Variants in MACF1 observed in about 807,000 individuals in gnomAD.
MACF1 encodes microtubule-actin cross-linking factor 1.
MACF1 carries 193 observed loss-of-function variants against 854.8 expected under a neutral mutation model. The ratio of observed to expected loss-of-function variants is 0.23; its 90% CI spans 0.20 to 0.25. The LOEUF is 0.25. Among genes scored for constraint, MACF1 ranks in the 10% least tolerant of loss-of-function variants. The pLI, the probability that MACF1 is intolerant of heterozygous loss-of-function variation, is 1.00. For synonymous variants in MACF1, 3,185 were observed against 3,226.7 expected (o/e 0.99, Z 0.44); for missense variants, 7,722 against 8,929.1 (o/e 0.86, Z 5.45).
At chr1:39,178,826 A>G (rs1468591528) in intron 2 of MACF1, among the ~76,000 whole-genome samples, 1 of 152,250 alleles carries the variant, frequency 6.6e-6, no homozygotes, top group African/African-American at 2.4e-5. Context: ...GCTTGTGATC[A>G]TAATATAAAA....
chr1:39,479,112 G>T (rs888150203), intron 97 of MACF1, among the ~76,000 whole-genome samples: 2 of 152,170 alleles, frequency 1.3e-5, no homozygotes, highest in Non-Finnish European at 2.9e-5. Context: ...CCGACTCCAC[G>T]TTCTTTGCAT....
chr1:39,458,587 C>A (rs1644489118), intron 90 of MACF1, 97 bp downstream of exon 90: 1 of 1,447,892 alleles, frequency 6.9e-7, no homozygotes. Context: ...ATTCCATTTT[C>A]AAAAACCGTG....
chr1:39,156,166 T>C (rs1643681749), intron 2 of MACF1, among the ~76,000 whole-genome samples: 1 of 151,754 alleles, frequency 6.6e-6, no homozygotes, highest in African/African-American at 2.4e-5. Flanking sequence ...TGAGCCACCG[T>C]GCCTGGCCTA....
intron 40 of MACF1, among the ~76,000 whole-genome samples, chr1:39,344,796 G>C (rs1647010195): frequency 6.6e-6 from 1 of 152,126 alleles, no homozygotes; most frequent in Non-Finnish European, 1.5e-5. Flanking sequence ...GAGCCCACTC[G>C]CCCAGCTCCT....
chr1:39,433,106 G>T lies in MACF1; in HGVS notation c.17516G>T (p.Arg5839Leu), dbSNP rs139726571. 1 of 1,611,918 alleles carries T rather than the reference G, an allele frequency of 6.2e-7. No individual in the cohort carries two copies. Among genetic ancestry groups the T allele is most frequent in the African/African-American group, 1.3e-5 (1 of 74,826 alleles). The change falls in exon 68 of 101, where the codon CGT (arginine) becomes CTT (leucine). Residue 5839 changes from arginine to leucine, a missense_variant. Around this residue, in one of 15 missense-constraint regions of MACF1, gnomAD observed 2,807 missense variants for 3,235.8 expected, o/e 0.87. Transcript: ENST00000564288. ...KDSMDELFSHRSEIFGTCGEE... is the reference protein window; with the variant it reads ...KDSMDELFSHLSEIFGTCGEE... Reference sequence around the variant, plus strand: ...TCAATGGATGAACTCTTCAGTCACCGTAGTGAAATCTTTGGCACATGTGGG... The same window carrying T: ...TCAATGGATGAACTCTTCAGTCACCTTAGTGAAATCTTTGGCACATGTGGG...
In MACF1 at chr1:39,479,671, AC is replaced by A. The variant is rs1372449280; in HGVS notation, c.21959-124del. 14 of 732,774 alleles carry A rather than the reference AC, an allele frequency of 1.9e-5. No individual in the cohort carries two copies. In the African/African-American group the frequency reaches 2.5e-4, roughly 13 times the overall value. 45.4% of individuals were successfully genotyped at this position (732,774 alleles called of 1,614,324 possible). ...ATGAATTTATCTCTATTTTTGAAGA[AC>A]CCACAGATGGTACTAAACCCATATA... is the stretch of plus-strand genomic sequence containing the variant. On this transcript the variant is annotated intron_variant, in intron 97 of 100. Transcript: ENST00000564288.
chr1:39,268,642 G>T (rs1645264512), intron 6 of MACF1: 4 of 1,211,128 alleles, frequency 3.3e-6, no homozygotes, highest in Non-Finnish European at 4.2e-6. Flanking sequence ...TGGGATTTCT[G>T]TGGGATCCCA....
intron 23 of MACF1, among the ~76,000 whole-genome samples, chr1:39,307,171 G>A (rs929776119): frequency 5.3e-5 from 8 of 151,788 alleles, no homozygotes; most frequent in South Asian, 4.2e-4. Context: ...CACCATGCCC[G>A]CCTGGAAATT....
At chr1:39,265,475 T>A (rs1645220317) in intron 6 of MACF1, among the ~76,000 whole-genome samples, 1 of 152,222 alleles carries the variant, frequency 6.6e-6, no homozygotes, top group African/African-American at 2.4e-5. Flanking sequence ...AGAATTAACT[T>A]AGTTGAAAAT....
intron 36 of MACF1, among the ~76,000 whole-genome samples, chr1:39,329,927 C>G (rs181511377): frequency 6.6e-6 from 1 of 152,178 alleles, no homozygotes; most frequent in Non-Finnish European, 1.5e-5. Flanking sequence ...GGGTCTGACT[C>G]TGGGAGGACA....
intron 58 of MACF1, among the ~76,000 whole-genome samples, chr1:39,395,101 C>T (rs1642220556): frequency 1.3e-5 from 2 of 152,172 alleles, no homozygotes; most frequent in Non-Finnish European, 1.5e-5. Context: ...CAGCCACTCA[C>T]GCCACCACCT....
At chr1:39,376,205 A>C (rs563955906) in intron 52 of MACF1, among the ~76,000 whole-genome samples, 74 of 152,330 alleles carry the variant, frequency 4.9e-4, no homozygotes, top group African/African-American at 1.7e-3. Flanking sequence ...AGCATAATTG[A>C]ACATGCATGT....
At chr1:39,381,553 A>G (rs1400848673) in intron 55 of MACF1, among the ~76,000 whole-genome samples, 1 of 151,966 alleles carries the variant, frequency 6.6e-6, no homozygotes, top group Non-Finnish European at 1.5e-5. Context: ...TTTTTTGGTA[A>G]AGATAGGGTC....
chr1:39,113,193 A>G (rs575401746), intron 2 of MACF1, among the ~76,000 whole-genome samples: 4 of 152,230 alleles, frequency 2.6e-5, no homozygotes, highest in African/African-American at 4.8e-5. Context: ...CAGTGCTTCT[A>G]AGTGGCTCAC....
intron 72 of MACF1, 76 bp downstream of exon 72, chr1:39,439,576 AT>A (rs1644057093): frequency 4.2e-5 from 49 of 1,168,190 alleles, no homozygotes; most frequent in Non-Finnish European, 5.7e-5. Context: ...AAAGTGAGGT[AT>A]GTTAACTGCT....
In MACF1 at chr1:39,292,833, G is replaced by A; in HGVS notation, c.1982G>A (p.Cys661Tyr). 1.2e-6 allele frequency: 2 copies of A among 1,612,214 alleles called. No homozygotes were observed. The highest frequency in any genetic ancestry group is 1.7e-6 in the Non-Finnish European group (2 of 1,179,298). The stretch of plus-strand genomic sequence containing the variant: ...CTTGGAAAGCTGGAGACACAGTATT[G>A]TAAATTGAAGGTGAGTTTCTGCCGA... Reference protein sequence around the residue: ...ETLGKLETQYCKLKETSSFRM... With the variant: ...ETLGKLETQYYKLKETSSFRM... The change falls in exon 17 of 101, where the codon TGT becomes TAT. Residue 661 changes from cysteine to tyrosine, a missense_variant. By Grantham distance (194) the Cys-to-Tyr change is radical. Around this residue, in one of 15 missense-constraint regions of MACF1, gnomAD observed 1,137 missense variants for 1,263.0 expected, o/e 0.90. Coordinates refer to ENST00000564288, the MANE Select transcript of MACF1 (RefSeq NM_001394062.1).
intron 100 of MACF1, 65 bp downstream of exon 100, chr1:39,484,795 T>C (rs1325006904): frequency 6.3e-7 from 1 of 1,593,854 alleles, no homozygotes; most frequent in Non-Finnish European, 8.6e-7. Context: ...CTATGTGGAA[T>C]GTTTCACTGC....
At chr1:39,384,652 T>C (rs901437820) in intron 56 of MACF1, among the ~76,000 whole-genome samples, 6 of 152,236 alleles carry the variant, frequency 3.9e-5, no homozygotes, top group African/African-American at 1.4e-4. Context: ...TGTCTAATTA[T>C]GCTATATTAT....
intron 97 of MACF1, among the ~76,000 whole-genome samples, chr1:39,475,580 G>T (rs963127592): frequency 6.6e-6 from 1 of 152,106 alleles, no homozygotes; most frequent in Admixed American, 6.6e-5. Context: ...GTTACCCAGT[G>T]GGGAGGAGGT....
Sources: gnomAD v4.1 joint callset for allele counts (sites outside exome capture counted in the v4.1 genomes callset) on GRCh38, gnomAD v4.1.1 for gene constraint, gnomAD v4.1.1 regional missense constraint, MANE v1.5 for transcripts, NCBI Gene and HGNC (gene_info 2026-07-23, HGNC 2026-07-21) for gene names.